PTPRD: variants seen among roughly 807,000 people sequenced by gnomAD.
PTPRD encodes the protein protein tyrosine phosphatase receptor type D.
PTPRD carries 34 observed loss-of-function variants against 214.5 expected under a neutral mutation model. The observed-to-expected ratio is 0.16, with a 90% CI of 0.12 to 0.21. The LOEUF (loss-of-function observed/expected upper bound fraction) is 0.21. PTPRD is among the 10% of genes least tolerant of loss of function. PTPRD has a pLI of 1.00. For missense variants in PTPRD, 2,545 were observed against 2,398.7 expected (o/e 1.06, Z -1.27); for synonymous variants, 1,128 against 845.7 (o/e 1.33, Z -5.79).
rs2098688472 is a variant in PTPRD, at chr9:8,733,878, G to A, written c.-35C>T. ...TGGCAGCAGCGTGCGCGAGCAGCTT[G>A]GAATCACTGCCTCCGGAGCCGCAGC... On this transcript the variant is annotated 5_prime_UTR_variant, in exon 12 of 46. Coordinates refer to ENST00000381196, the MANE Select transcript of PTPRD (RefSeq NM_002839.4). 2 of 1,547,062 alleles carry A rather than the reference G, an allele frequency of 1.3e-6. No homozygotes were observed. Among genetic ancestry groups the A allele is most frequent in the Non-Finnish European group, 1.7e-6 (2 of 1,145,594 alleles).
At chr9:9,544,885 TA>T (rs2154276767) in intron 8 of PTPRD, among the ~76,000 whole-genome samples, 1 of 148,434 alleles carries the variant, frequency 6.7e-6, no homozygotes, top group South Asian at 2.1e-4. Context: ...TTCTAGCCGA[TA>T]GCCCACATTT....
intron 20 of PTPRD, among the ~76,000 whole-genome samples, 164 bp from the exon 21 acceptor site, chr9:8,518,593 G>C (rs917303047): frequency 6.6e-6 from 1 of 152,178 alleles, no homozygotes; most frequent in Non-Finnish European, 1.5e-5. Flanking sequence ...AGAAGGACAG[G>C]AAAACATTCA....
chr9:9,957,077 A>G (rs2093985778), intron 4 of PTPRD, among the ~76,000 whole-genome samples: 1 of 152,192 alleles, frequency 6.6e-6, no homozygotes, highest in Non-Finnish European at 1.5e-5. Flanking sequence ...AGAACATACA[A>G]CTAATTTAAA....
intron 8 of PTPRD, among the ~76,000 whole-genome samples, chr9:9,491,832 A>C (rs979058258): frequency 6.6e-6 from 1 of 152,038 alleles, no homozygotes; most frequent in South Asian, 2.1e-4. Context: ...CTATCTTTAC[A>C]ACTAATTAGA....
At chr9:9,019,307 A>AG (rs1773522311) in intron 10 of PTPRD, among the ~76,000 whole-genome samples, 4 of 107,876 alleles carry the variant, frequency 3.7e-5, no homozygotes, top group African/African-American at 1.5e-4. Flanking sequence ...AAAGAAAGAA[A>AG]GAAAGAAAGA....
At chr9:10,147,272 T>A (rs933953646) in intron 3 of PTPRD, among the ~76,000 whole-genome samples, 2 of 135,810 alleles carry the variant, frequency 1.5e-5, no homozygotes, top group Non-Finnish European at 3.4e-5. Context: ...TTCTTTTTTT[T>A]TATTATTATA....
intron 39 of PTPRD, among the ~76,000 whole-genome samples, chr9:8,350,717 A>C (rs1022192363): frequency 6.6e-6 from 1 of 152,184 alleles, no homozygotes; most frequent in African/African-American, 2.4e-5. Flanking sequence ...TAGGATAACT[A>C]GAGAAATTAT....
chr9:9,608,251 T>C (rs1322026642), intron 7 of PTPRD, among the ~76,000 whole-genome samples: 1 of 152,208 alleles, frequency 6.6e-6, no homozygotes, highest in East Asian at 1.9e-4. Context: ...GTTATTGCTG[T>C]TATTATTATA....
intron 2 of PTPRD, among the ~76,000 whole-genome samples, chr9:10,517,561 C>A (rs1373205665): frequency 1.3e-5 from 2 of 151,942 alleles, no homozygotes; most frequent in African/African-American, 4.8e-5. Flanking sequence ...AGAGAACAAA[C>A]TATTTTGTCC....
At chr9:9,375,164 A>G (rs1279927262) in intron 9 of PTPRD, among the ~76,000 whole-genome samples, 1 of 152,204 alleles carries the variant, frequency 6.6e-6, no homozygotes, top group Non-Finnish European at 1.5e-5. Context: ...TAAATTTTCT[A>G]CATCATACTG....
At chr9:9,183,922 A>G (rs1383228413) in intron 9 of PTPRD, among the ~76,000 whole-genome samples, 2 of 151,956 alleles carry the variant, frequency 1.3e-5, no homozygotes, top group African/African-American at 4.8e-5. Flanking sequence ...AATTAATTTA[A>G]AAAGATCCAC....
chr9:9,113,177 T>A (rs1024574520), intron 10 of PTPRD, among the ~76,000 whole-genome samples: 31 of 151,934 alleles, frequency 2.0e-4, no homozygotes, highest in African/African-American at 7.2e-4. Context: ...GGTCTCACTA[T>A]GTTGCCCAGA....
intron 9 of PTPRD, among the ~76,000 whole-genome samples, chr9:9,282,633 C>A (rs375717794): frequency 1.1e-4 from 16 of 151,440 alleles, no homozygotes; most frequent in African/African-American, 3.6e-4. Flanking sequence ...GTAACTATTT[C>A]TTTAAGCCCA....
intron 3 of PTPRD, among the ~76,000 whole-genome samples, chr9:10,145,965 T>A (rs543559887): frequency 3.9e-5 from 6 of 152,092 alleles, no homozygotes; most frequent in African/African-American, 1.4e-4. Context: ...TTAATTAAGA[T>A]AAATTGATAT....
chr9:9,111,960 C>T (rs2099806757), intron 10 of PTPRD, among the ~76,000 whole-genome samples: 1 of 152,018 alleles, frequency 6.6e-6, no homozygotes, highest in Non-Finnish European at 1.5e-5. Context: ...AAAGAAGGTG[C>T]AAAAATGGGG....
chr9:10,505,834 T>C (rs960601648), intron 2 of PTPRD, among the ~76,000 whole-genome samples: 1 of 151,268 alleles, frequency 6.6e-6, no homozygotes, highest in African/African-American at 2.4e-5. Context: ...ATAACAGAAT[T>C]ATGTTTTACA....
chr9:8,641,546 A>G (rs2096576261), intron 12 of PTPRD, among the ~76,000 whole-genome samples: 2 of 145,728 alleles, frequency 1.4e-5, no homozygotes, highest in Non-Finnish European at 2.9e-5. Flanking sequence ...ATTACTGGTC[A>G]ACCCAGAAAG....
At chr9:9,611,397 A>C (rs2094505095) in intron 7 of PTPRD, among the ~76,000 whole-genome samples, 1 of 152,188 alleles carries the variant, frequency 6.6e-6, no homozygotes, top group African/African-American at 2.4e-5. Context: ...TTGCAAGAAA[A>C]ATAAATAGTA....
intron 7 of PTPRD, among the ~76,000 whole-genome samples, chr9:9,601,176 G>A (rs901200499): frequency 1.3e-5 from 2 of 149,908 alleles, no homozygotes; most frequent in African/African-American, 4.9e-5. Context: ...TGGGGAGAGA[G>A]AGAGAAAGAA....
Sources: allele counts gnomAD v4.1 joint callset (sites outside exome capture counted in the v4.1 genomes callset), GRCh38; gene constraint gnomAD v4.1.1; transcripts MANE v1.5; gene names NCBI Gene and HGNC (gene_info 2026-07-23, HGNC 2026-07-21).